Variants in CDIN1 observed in about 807,000 individuals in gnomAD.
CDIN1 encodes the protein CDAN1 interacting nuclease 1.
CDIN1 carries 33 observed loss-of-function variants against 45.3 expected under a neutral mutation model. That is an observed-to-expected ratio of 0.73 (90% CI 0.55 to 0.97). CDIN1 has a LOEUF of 0.97. CDIN1 is among the 50% of genes least tolerant of loss of function. The pLI is 0.00. For synonymous variants in CDIN1, 118 were observed against 124.4 expected (o/e 0.95, Z 0.34); for missense variants, 303 against 339.4 (o/e 0.89, Z 0.84).
chr15:36,729,313 A>G (rs1412261914), intron 10 of CDIN1, among the ~76,000 whole-genome samples: 1 of 152,216 alleles, frequency 6.6e-6, no homozygotes, highest in Non-Finnish European at 1.5e-5. Flanking sequence ...ATTTTATTGT[A>G]AGAGCTATCA....
chr15:36,689,751 G>A (rs1474584601), intron 5 of CDIN1, among the ~76,000 whole-genome samples: 1 of 151,946 alleles, frequency 6.6e-6, no homozygotes, highest in Non-Finnish European at 1.5e-5. Context: ...TCCTATTCCC[G>A]ATATTTTTAC....
chr15:36,751,959 G>A (rs1006198821), intron 10 of CDIN1, among the ~76,000 whole-genome samples: 2 of 152,128 alleles, frequency 1.3e-5, no homozygotes, highest in African/African-American at 4.8e-5. Context: ...AAAACACATA[G>A]ACACATGGGT....
intron 1 of CDIN1, chr15:36,618,403 A>G (rs1335771821): frequency 1.4e-6 from 1 of 721,684 alleles, no homozygotes; most frequent in East Asian, 2.5e-5. Flanking sequence ...CAAAATGGGG[A>G]CTATGGTAGG....
At chr15:36,729,651 A>G (rs1423871342) in intron 10 of CDIN1, among the ~76,000 whole-genome samples, 1 of 152,216 alleles carries the variant, frequency 6.6e-6, no homozygotes, top group Non-Finnish European at 1.5e-5. Flanking sequence ...AGTGAAATAA[A>G]GAAGTTTTTA....
At chr15:36,600,723 C>T (rs926142480) in intron 1 of CDIN1, among the ~76,000 whole-genome samples, 4 of 152,034 alleles carry the variant, frequency 2.6e-5, no homozygotes, top group African/African-American at 9.7e-5. Flanking sequence ...TGTGAAAATC[C>T]GTGGCCACAT....
At chr15:36,786,726 G>C (rs1419631957) in intron 10 of CDIN1, among the ~76,000 whole-genome samples, 1 of 152,010 alleles carries the variant, frequency 6.6e-6, no homozygotes, top group East Asian at 1.9e-4. Context: ...CTGCATTCAG[G>C]GTCCCTACTT....
intron 10 of CDIN1, among the ~76,000 whole-genome samples, chr15:36,787,366 A>G (rs899209756): frequency 6.6e-6 from 1 of 152,242 alleles, no homozygotes; most frequent in Non-Finnish European, 1.5e-5. Context: ...CTTTTCAAGC[A>G]TTTCAGTGTA....
intron 10 of CDIN1, among the ~76,000 whole-genome samples, chr15:36,720,995 T>C (rs1255027498): frequency 6.6e-6 from 1 of 152,204 alleles, no homozygotes; most frequent in Admixed American, 6.5e-5. Context: ...TGGTATCTCA[T>C]TGTGGTTTTG....
At chr15:36,684,968 CTT>C (rs1291361381) in intron 5 of CDIN1, among the ~76,000 whole-genome samples, 2 of 151,934 alleles carry the variant, frequency 1.3e-5, no homozygotes. Flanking sequence ...ATTCTTCTCT[CTT>C]TTTTTCTTTA....
At chr15:36,797,062 G>C (rs889460838) in intron 10 of CDIN1, among the ~76,000 whole-genome samples, 11 of 152,196 alleles carry the variant, frequency 7.2e-5, no homozygotes, top group African/African-American at 2.4e-4. Flanking sequence ...TCATTTTGTA[G>C]AGTTTGTATG....
At chr15:36,619,044 A>C in intron 1 of CDIN1, 1 of 1,324,858 alleles carries the variant, frequency 7.5e-7, no homozygotes, top group Non-Finnish European at 1.0e-6. Context: ...CTCCCACGAC[A>C]AACAAAGACA....
intron 10 of CDIN1, among the ~76,000 whole-genome samples, chr15:36,776,456 T>G (rs2054219694): frequency 6.6e-6 from 1 of 152,220 alleles, no homozygotes; most frequent in Non-Finnish European, 1.5e-5. Context: ...GAAACTAACT[T>G]TCTACTTTCC....
intron 1 of CDIN1, among the ~76,000 whole-genome samples, chr15:36,587,982 T>C (rs998052374): frequency 6.7e-6 from 1 of 148,522 alleles, no homozygotes; most frequent in African/African-American, 2.5e-5. Flanking sequence ...AAGTTTTTAA[T>C]GAAAAGTAAA....
chr15:36,695,677 T>A (rs1247552326), intron 7 of CDIN1, among the ~76,000 whole-genome samples: 1 of 152,116 alleles, frequency 6.6e-6, no homozygotes, highest in African/African-American at 2.4e-5. Flanking sequence ...TAAAACTCCA[T>A]CTGTACTAAA....
intron 3 of CDIN1, among the ~76,000 whole-genome samples, chr15:36,651,020 A>C (rs1343815162): frequency 1.3e-5 from 2 of 151,798 alleles, no homozygotes; most frequent in Non-Finnish European, 2.9e-5. Context: ...CCGAGATTGC[A>C]CCACTGCACT....
At position 36,778,396 on chromosome 15, in the gene CDIN1, T is replaced by C. The variant is rs560384853; in HGVS notation, c.717-29928T>C. Among the ~76,000 whole-genome samples, 28 of 152,342 alleles carry C rather than the reference T, an allele frequency of 1.8e-4. No individual in the cohort carries two copies. In the East Asian group the frequency reaches 3.9e-3, roughly 21 times the overall value. On this transcript the variant is annotated intron_variant, in intron 10 of 10. Coordinates refer to ENST00000566621, the MANE Select transcript of CDIN1 (RefSeq NM_001321759.2). ...TTTATGGGTACTTATCATTTTACCC[T>C]CTGCTACCTACAAACTTTTTCTTCT...
At chr15:36,653,949 T>G in intron 3 of CDIN1, 149 bp from the exon 4 acceptor site, 1 of 618,184 alleles carries the variant, frequency 1.6e-6, no homozygotes. Flanking sequence ...GTTTTTCCCT[T>G]CAGTGCTTTC....
At chr15:36,648,889 A>G (rs1441110895) in intron 3 of CDIN1, 1 of 152,076 alleles carries the variant, frequency 6.6e-6, no homozygotes, top group East Asian at 1.9e-4. Context: ...CTGTCTAGAA[A>G]TGTTTTGCTG....
chr15:36,710,562 T>C (rs1281949899), intron 10 of CDIN1, among the ~76,000 whole-genome samples: 2 of 152,174 alleles, frequency 1.3e-5, no homozygotes, highest in Non-Finnish European at 2.9e-5. Flanking sequence ...GAAAATGATG[T>C]GCTGTAGAGC....
Sources: allele counts gnomAD v4.1 joint callset (sites outside exome capture counted in the v4.1 genomes callset), GRCh38; gene constraint gnomAD v4.1.1; transcripts MANE v1.5; gene names NCBI Gene and HGNC (gene_info 2026-07-23, HGNC 2026-07-21).